Variants in PZP observed in about 807,000 individuals in gnomAD.
PZP encodes pregnancy zone protein.
PZP carries 150 observed loss-of-function variants against 179.8 expected under a neutral mutation model. The ratio of observed to expected loss-of-function variants is 0.83; its 90% confidence interval spans 0.73 to 0.96. The LOEUF (loss-of-function observed/expected upper bound fraction) is 0.96. Ranked by LOEUF, PZP falls within the 40% of genes least tolerant of loss-of-function variation. The pLI is 0.00. For missense variants in PZP, 1,689 were observed against 1,764.0 expected (o/e 0.96, Z 0.76); for synonymous variants, 624 against 652.3 (o/e 0.96, Z 0.66).
the PZP span, among the ~76,000 whole-genome samples, chr12:9,140,200 A>G: frequency 6.6e-6 from 1 of 152,216 alleles, no homozygotes; most frequent in Non-Finnish European, 1.5e-5. Context: ...TGATCCTGTC[A>G]GTTAAAAATC....
rs748839803 is a variant in PZP at position 9,154,786 on chromosome 12, G to T, written c.3604C>A (p.Leu1202Ile). 2 of 1,614,146 alleles carry T rather than the reference G, an allele frequency of 1.2e-6. No homozygotes were observed. The highest frequency in any genetic ancestry group is 2.2e-5 in the South Asian group (2 of 91,064). ...GCAGAGGGAGCCTGGGTTTGGTAAA[G>T]ATGCCCCACTGGTGCCTTGGGTCTC... ...PQRPKAPVGH[L>I]YQTQAPSAEV... The change falls in exon 29 of 36, where the codon CTT (leucine) becomes ATT (isoleucine). Residue 1202 changes from leucine to isoleucine, a missense_variant. Physicochemically the swap from Leu to Ile is conservative, Grantham distance 5. This residue lies in a region of PZP where 746 missense variants were observed against 749.2 expected (regional missense o/e 1.00). Transcript: ENST00000261336.
In PZP at chr12:9,194,082, C is replaced by A. The variant is rs371622580; in HGVS notation, c.1249G>T (p.Val417Phe). The change falls in exon 11 of 36, where the codon GTC (valine) becomes TTC (phenylalanine). Residue 417 changes from valine to phenylalanine, a missense_variant. Physicochemically the swap from Val to Phe is conservative, Grantham distance 50. Transcript: ENST00000261336. ...TTSISVNKLF[V>F]RVFTVHPNLC... ...ATTTGTCTTTCTATACTTACCCGGA[C>A]AAAAAGTTTATTAACCGAGATACTG... 1 of 1,612,534 alleles carries A rather than the reference C, an allele frequency of 6.2e-7. No individual in the cohort carries two copies. Among genetic ancestry groups the A allele is most frequent in the Non-Finnish European group, 8.5e-7 (1 of 1,179,174 alleles).
At chr12:9,198,477 C>T (rs960145417) in intron 7 of PZP, among the ~76,000 whole-genome samples, 2 of 152,072 alleles carry the variant, frequency 1.3e-5, no homozygotes, top group Non-Finnish European at 2.9e-5. Context: ...AAAATAAGTA[C>T]ATAATAACTA....
In PZP at chr12:9,200,355, G is replaced by A. The variant is rs1199389914; in HGVS notation, c.755+9C>T. ...ATATAAAATTTTAGATAAAAACAAT[G>A]TAACTCACTCTCCACAGACTGTTAT... On this transcript the variant is annotated intron_variant, in intron 7 of 35. Coordinates refer to ENST00000261336, the MANE Select transcript of PZP (RefSeq NM_002864.3). 1.3e-6 allele frequency: 2 copies of A among 1,564,946 alleles called. No homozygotes were observed. The highest frequency in any genetic ancestry group is 1.8e-6 in the Non-Finnish European group (2 of 1,141,362).
chr12:9,165,007 G>C, intron 19 of PZP, 132 bp downstream of exon 19: 5 of 1,100,802 alleles, frequency 4.5e-6, no homozygotes, highest in Non-Finnish European at 5.4e-6. Flanking sequence ...GCTTTGCATA[G>C]CACTAATTAT....
intron 17 of PZP, among the ~76,000 whole-genome samples, 180 bp from the exon 18 acceptor site, chr12:9,166,382 C>CT (rs1941587729): frequency 6.6e-6 from 1 of 152,126 alleles, no homozygotes; most frequent in African/African-American, 2.4e-5. Context: ...AGAGAGGAGT[C>CT]TTTGTCAAAG....
intron 20 of PZP, 90 bp downstream of exon 20, chr12:9,164,043 G>A (rs2120719309): frequency 6.9e-7 from 1 of 1,450,482 alleles, no homozygotes; most frequent in South Asian, 1.3e-5. Context: ...TTATATCTAT[G>A]GCAAATAAAA....
At position 9,161,135 on chromosome 12, in the gene PZP, C is replaced by T; in HGVS notation, c.2789-19G>A. On this transcript the variant is annotated intron_variant, in intron 22 of 35. Transcript: ENST00000261336. ...TTAGCACCTTTAGAAACAGACAGCC[C>T]ATGTTAAAGGAGGACATCTATGATT... 1 of 1,518,342 alleles carries T rather than the reference C, an allele frequency of 6.6e-7. No individual in the cohort carries two copies. Among genetic ancestry groups the T allele is most frequent in the Non-Finnish European group, 9.0e-7 (1 of 1,107,752 alleles). The allele number at this position is 1,518,342 out of a possible 1,614,324, so 94.1% of individuals were successfully genotyped here. A position where few individuals can be genotyped will look rare whatever the true frequency, so the allele number is the denominator to read the frequency against.
intron 13 of PZP, among the ~76,000 whole-genome samples, chr12:9,182,551 A>G (rs1440423684): frequency 6.6e-6 from 1 of 152,178 alleles, no homozygotes; most frequent in African/African-American, 2.4e-5. Flanking sequence ...TCTGTATGTA[A>G]AAAAAAGTTC....
At chr12:9,185,631 A>G (rs759592212) in intron 13 of PZP, among the ~76,000 whole-genome samples, 43 of 149,796 alleles carry the variant, frequency 2.9e-4, no homozygotes, top group Admixed American at 2.6e-3. Context: ...ACACACAATC[A>G]TCAGATTCAC....
chr12:9,187,537 C>A (rs911824610), intron 13 of PZP, among the ~76,000 whole-genome samples: 1 of 152,132 alleles, frequency 6.6e-6, no homozygotes, highest in Non-Finnish European at 1.5e-5. Flanking sequence ...TCACTCAAAA[C>A]CATACAATTA....
chr12:9,161,834 C>A lies in PZP; in HGVS notation c.2789-718G>T, dbSNP rs1172958832. Among the ~76,000 whole-genome samples the A allele has an allele frequency of 2.6e-5, 4 of 152,248 alleles. No individual in the cohort carries two copies. The East Asian group carries it at 7.7e-4, about 29-fold the overall frequency. On this transcript the variant is annotated intron_variant, in intron 22 of 35. Transcript: ENST00000261336. ...ACTTAAATGTAAATTATTTTCTACA[C>A]GGAAAACACACATTTTTAGTGAGAT...
At position 9,163,781 on chromosome 12, in the gene PZP, T is replaced by A; in HGVS notation, c.2623A>T (p.Asn875Tyr). Residue 875 changes from asparagine to tyrosine, a missense_variant, in exon 21 of 36, where the codon AAC becomes TAC. This residue lies in a region of PZP where 746 missense variants were observed against 749.2 expected (regional missense o/e 1.00). Coordinates refer to ENST00000261336, the MANE Select transcript of PZP (RefSeq NM_002864.3). ...TVTPKTLGNV[N>Y]FSVSAEAMQS... ...ATTGCCTCTGCACTCACTGAGAAGT[T>A]CACATTCCCTAAAACAAGGAATATT... The A allele has an allele frequency of 6.2e-7, 1 of 1,611,886 alleles. No individual in the cohort carries two copies.
Position 9,157,172 on chromosome 12 carries a change from C to T in PZP, c.3550+3G>A. 1 of 1,612,084 alleles carries T rather than the reference C, an allele frequency of 6.2e-7. No individual in the cohort carries two copies. Among genetic ancestry groups the T allele is most frequent in the Non-Finnish European group, 8.5e-7 (1 of 1,178,702 alleles). ...TTCAGCTCCCACTTATAAGTGCTCT[C>T]ACCTTCTTTCACAGCTTCCTTATCA... On this transcript the variant is annotated splice_donor_region_variant and intron_variant, in intron 28 of 35. Transcript: ENST00000261336.
At chr12:9,137,007 T>G in the PZP span, among the ~76,000 whole-genome samples, 1 of 152,344 alleles carries the variant, frequency 6.6e-6, no homozygotes, top group Admixed American at 6.5e-5. Context: ...ATTATTCCTT[T>G]GCTTTGCAAG....
intron 13 of PZP, among the ~76,000 whole-genome samples, chr12:9,184,706 A>G (rs1942992422): frequency 6.6e-6 from 1 of 152,218 alleles, no homozygotes; most frequent in Non-Finnish European, 1.5e-5. Flanking sequence ...TGGTCCCTTC[A>G]GTGCAACATG....
intron 22 of PZP, among the ~76,000 whole-genome samples, chr12:9,161,839 AAC>A (rs976295516): frequency 7.2e-5 from 11 of 152,332 alleles, no homozygotes; most frequent in African/African-American, 2.6e-4. Flanking sequence ...CTACACGGAA[AAC>A]ACACATTTTT....
At chr12:9,149,509 T>G in intron 35 of PZP, 52 bp downstream of exon 35, 9 of 1,527,762 alleles carry the variant, frequency 5.9e-6, no homozygotes, top group Non-Finnish European at 7.2e-6. Flanking sequence ...CAGGGGCCCT[T>G]GGAGAGTGGG....
At chr12:9,179,090 C>G (rs1002462789) in intron 15 of PZP, among the ~76,000 whole-genome samples, 1 of 152,148 alleles carries the variant, frequency 6.6e-6, no homozygotes, top group African/African-American at 2.4e-5. Flanking sequence ...AACTTTTTAT[C>G]AAAGATCAAA....
Sources: gnomAD v4.1 joint callset for allele counts (sites outside exome capture counted in the v4.1 genomes callset) on GRCh38, gnomAD v4.1.1 for gene constraint, gnomAD v4.1.1 regional missense constraint, MANE v1.5 for transcripts, NCBI Gene and HGNC (gene_info 2026-07-23, HGNC 2026-07-21) for gene names.